Variants in GGTA1 observed in about 807,000 individuals in gnomAD.
The protein encoded by GGTA1 is inactive N-acetyllactosaminide alpha-1,3-galactosyltransferase.
A neutral mutation model predicts 2.6 loss-of-function variants in GGTA1; 5 were observed. The observed-to-expected ratio is 1.92, with a 90% CI of 1.00 to 4.04. The LOEUF is 4.04. Ranked by LOEUF, GGTA1 falls within the 30% of genes most tolerant of loss-of-function variation. The pLI is 0.00. For missense variants in GGTA1, 50 were observed against 16.7 expected (o/e 2.99, Z -3.47); for synonymous variants, 17 against 5.0 (o/e 3.38, Z -3.19).
At chr9:121,448,465 C>T (rs1051631003) in intron 7 of GGTA1, among the ~76,000 whole-genome samples, 1 of 152,184 alleles carries the variant, frequency 6.6e-6, no homozygotes, top group African/African-American at 2.4e-5. Context: ...ATTGTCCACA[C>T]ACCATCATCC....
chr9:121,476,139 G>A lies in GGTA1; in HGVS notation c.-9-8208C>T, dbSNP rs149714760. The stretch of plus-strand genomic sequence containing the variant: ...TGGCTCAGAGCTTGGTGTGAAAGCA[G>A]GGCTGTGAGTTCATCTGAGAGGGGA... On this transcript the variant is annotated intron_variant, in intron 1 of 5. Transcript: ENST00000481799. The surrounding 1 kb of genome is among the most constrained non-coding windows in gnomAD (Gnocchi z 4.6). Among the ~76,000 whole-genome samples the A allele has an allele frequency of 9.8e-5, 15 of 152,298 alleles. No homozygotes were observed. In the East Asian group the frequency reaches 2.9e-3, roughly 29 times the overall value.
At chr9:121,498,244 C>T (rs1375356573) in intron 1 of GGTA1, among the ~76,000 whole-genome samples, 3 of 152,240 alleles carry the variant, frequency 2.0e-5, no homozygotes, top group Non-Finnish European at 4.4e-5. Flanking sequence ...AGAGTTGAAA[C>T]TTCTGGACTG....
intron 1 of GGTA1, among the ~76,000 whole-genome samples, chr9:121,493,565 TATC>T (rs1298490767): frequency 6.6e-6 from 1 of 152,080 alleles, no homozygotes; most frequent in African/African-American, 2.4e-5. Flanking sequence ...AGAGAAATCT[TATC>T]ATAATAATTT....
chr9:121,457,640 G>A (rs2064923089), intron 5 of GGTA1, among the ~76,000 whole-genome samples: 1 of 149,952 alleles, frequency 6.7e-6, no homozygotes, highest in African/African-American at 2.5e-5. Context: ...GGCAGAGCTT[G>A]CAGTGAGCCG....
At chr9:121,448,050 A>C (rs1311704151) in intron 7 of GGTA1, among the ~76,000 whole-genome samples, 3 of 152,142 alleles carry the variant, frequency 2.0e-5, no homozygotes, top group African/African-American at 7.2e-5. Context: ...CTGGATGCTT[A>C]AGTCTTTCTA....
chr9:121,465,619 C>T (rs1442112993), intron 2 of GGTA1, among the ~76,000 whole-genome samples: 1 of 126,526 alleles, frequency 7.9e-6, no homozygotes, highest in Non-Finnish European at 1.9e-5. Flanking sequence ...ACTTGCTCTC[C>T]ATCACGTGTG....
intron 7 of GGTA1, among the ~76,000 whole-genome samples, chr9:121,449,221 A>C (rs1384978862): frequency 6.6e-6 from 1 of 152,214 alleles, no homozygotes; most frequent in Non-Finnish European, 1.5e-5. Context: ...GTTGCTCTCA[A>C]GTTTTGGCAA....
At chr9:121,490,061 A>C (rs915663833) in intron 1 of GGTA1, among the ~76,000 whole-genome samples, 4 of 152,202 alleles carry the variant, frequency 2.6e-5, no homozygotes, top group Non-Finnish European at 4.4e-5. Flanking sequence ...GAACTTGCGA[A>C]GAATTTCTAT....
At chr9:121,472,071 G>A (rs1473402335) in intron 1 of GGTA1, among the ~76,000 whole-genome samples, 1 of 152,166 alleles carries the variant, frequency 6.6e-6, no homozygotes, top group Non-Finnish European at 1.5e-5. Context: ...AGAAAGCTCT[G>A]AAAACCCAAC....
chr9:121,456,199 A>G (rs997287168), intron 5 of GGTA1, among the ~76,000 whole-genome samples: 7 of 152,192 alleles, frequency 4.6e-5, no homozygotes, highest in Admixed American at 2.0e-4. Flanking sequence ...ACTAAAAAGA[A>G]AGGAAAAAGT....
chr9:121,449,650 G>A (rs2064868623), intron 7 of GGTA1, among the ~76,000 whole-genome samples: 1 of 152,026 alleles, frequency 6.6e-6, no homozygotes, highest in Non-Finnish European at 1.5e-5. Context: ...GACCAGCCTG[G>A]CCAATATGAT....
chr9:121,496,813 A>AT (rs1048587857), intron 1 of GGTA1, among the ~76,000 whole-genome samples: 11 of 151,156 alleles, frequency 7.3e-5, no homozygotes, highest in Non-Finnish European at 1.3e-4. Flanking sequence ...GTGATTCAAG[A>AT]TCCCACCATT....
At chr9:121,474,868 C>T (rs1449324368) in intron 1 of GGTA1, among the ~76,000 whole-genome samples, 1 of 152,146 alleles carries the variant, frequency 6.6e-6, no homozygotes, top group Non-Finnish European at 1.5e-5. Flanking sequence ...GCCTGAGATT[C>T]CTACATCAGG....
rs528014250 is a variant in GGTA1 at position 121,478,501 on chromosome 9, A to T, written c.-9-10570T>A. ...CCCAGGCCCAGCCCTTGGCATAGGGATGGTGCTGGGTGTAAGGAGGAAGAG... is the reference window on the plus strand; with the variant it reads ...CCCAGGCCCAGCCCTTGGCATAGGGTTGGTGCTGGGTGTAAGGAGGAAGAG... On this transcript the variant is annotated intron_variant, in intron 1 of 5. Transcript: ENST00000481799. Among the ~76,000 whole-genome samples, 26 of 152,244 alleles carry T rather than the reference A, an allele frequency of 1.7e-4. 1 individual carries two copies. In the South Asian group the frequency reaches 5.2e-3, roughly 30 times the overall value.
At chr9:121,461,644 C>T (rs1278424749) in intron 3 of GGTA1, among the ~76,000 whole-genome samples, 2 of 152,124 alleles carry the variant, frequency 1.3e-5, no homozygotes, top group Non-Finnish European at 2.9e-5. Context: ...AGCTGTGTGA[C>T]TGTGATAGGA....
chr9:121,481,773 G>T (rs1197554863), intron 1 of GGTA1, among the ~76,000 whole-genome samples: 1 of 150,568 alleles, frequency 6.6e-6, no homozygotes, highest in African/African-American at 2.4e-5. Context: ...GAGGCGGGTG[G>T]ATCACCTGAG....
intron 1 of GGTA1, among the ~76,000 whole-genome samples, chr9:121,471,963 G>A (rs1012509397): frequency 6.6e-6 from 1 of 152,214 alleles, no homozygotes; most frequent in Non-Finnish European, 1.5e-5. Context: ...AGTGGGGATG[G>A]TGGTAGCCAC....
chr9:121,467,331 C>T (rs551639075), intron 2 of GGTA1, among the ~76,000 whole-genome samples: 1 of 152,250 alleles, frequency 6.6e-6, no homozygotes, highest in East Asian at 1.9e-4. Context: ...CACACACACA[C>T]CCACACACAC....
At chr9:121,457,596 G>C (rs2064922667) in intron 5 of GGTA1, among the ~76,000 whole-genome samples, 1 of 151,846 alleles carries the variant, frequency 6.6e-6, no homozygotes, top group East Asian at 2.0e-4. Flanking sequence ...AGCTACTCGG[G>C]AGGCTGAGGC....
Sources: allele counts gnomAD v4.1 joint callset (sites outside exome capture counted in the v4.1 genomes callset), GRCh38; gene constraint gnomAD v4.1.1; non-coding constraint Gnocchi (gnomAD v3.1); transcripts MANE v1.5; gene names NCBI Gene and HGNC (gene_info 2026-07-23, HGNC 2026-07-21).